The following AIG1 variants were observed in gnomAD, a reference collection of about 807,000 sequenced individuals.
AIG1 encodes the protein androgen-induced gene 1 protein.
In AIG1, 23 loss-of-function variants were observed where a neutral mutation model predicts 31.4. The observed-to-expected ratio is 0.73, with a 90% CI of 0.53 to 1.04. The LOEUF is 1.04. AIG1 is among the 50% of genes least tolerant of loss of function. AIG1 has a pLI of 0.00. For synonymous variants in AIG1, 100 were observed against 110.5 expected (o/e 0.90, Z 0.60); for missense variants, 274 against 295.0 (o/e 0.93, Z 0.52).
At chr6:143,062,531 A>C (rs1334380646) in intron 1 of AIG1, among the ~76,000 whole-genome samples, 1 of 152,202 alleles carries the variant, frequency 6.6e-6, no homozygotes, top group African/African-American at 2.4e-5. Context: ...TTGATTGAAC[A>C]ACAATGTCGG....
At chr6:143,300,735 A>G (rs1196511616) in intron 4 of AIG1, among the ~76,000 whole-genome samples, 1 of 152,198 alleles carries the variant, frequency 6.6e-6, no homozygotes, top group African/African-American at 2.4e-5. Context: ...GCTTGACTTG[A>G]CCAAATAAAT....
intron 4 of AIG1, among the ~76,000 whole-genome samples, chr6:143,324,863 A>C (rs1281454992): frequency 6.6e-6 from 1 of 152,220 alleles, no homozygotes; most frequent in Non-Finnish European, 1.5e-5. Flanking sequence ...CTAGAAGAGT[A>C]AAGGATGATA....
intron 1 of AIG1, among the ~76,000 whole-genome samples, chr6:143,083,030 A>T (rs1778414168): frequency 6.6e-6 from 1 of 152,234 alleles, no homozygotes; most frequent in Non-Finnish European, 1.5e-5. Flanking sequence ...TATGCCAAGG[A>T]ACATTCTTAA....
At chr6:143,147,804 C>T (rs928607997) in intron 2 of AIG1, among the ~76,000 whole-genome samples, 48 of 152,102 alleles carry the variant, frequency 3.2e-4, no homozygotes, top group African/African-American at 1.1e-3. Flanking sequence ...TCACCGTAGC[C>T]CTTCCCAAGG....
chr6:143,117,868 C>T (rs1005521836), intron 1 of AIG1, among the ~76,000 whole-genome samples: 16 of 151,988 alleles, frequency 1.1e-4, no homozygotes, highest in African/African-American at 3.4e-4. Context: ...TCACTGTGGC[C>T]GCCTCCAAAA....
chr6:143,305,193 A>AT (rs1290577995), intron 4 of AIG1, among the ~76,000 whole-genome samples: 6 of 152,044 alleles, frequency 3.9e-5, no homozygotes, highest in Non-Finnish European at 8.8e-5. Flanking sequence ...GGATTCATTA[A>AT]TTTTTTGAAG....
chr6:143,172,139 G>A (rs1787699293), intron 3 of AIG1, among the ~76,000 whole-genome samples: 1 of 152,048 alleles, frequency 6.6e-6, no homozygotes, highest in South Asian at 2.1e-4. Context: ...TGCATTGTCT[G>A]TTTACTCTGT....
chr6:143,137,490 C>G (rs1158845388), intron 2 of AIG1, among the ~76,000 whole-genome samples: 3 of 152,272 alleles, frequency 2.0e-5, no homozygotes, highest in African/African-American at 7.2e-5. Flanking sequence ...TTAAGCAGCC[C>G]AAACTTGAAA....
At chr6:143,089,538 A>T (rs990044738) in intron 1 of AIG1, among the ~76,000 whole-genome samples, 1 of 152,182 alleles carries the variant, frequency 6.6e-6, no homozygotes, top group Non-Finnish European at 1.5e-5. Flanking sequence ...TATTTTTCTT[A>T]GTCCATTTGT....
intron 3 of AIG1, among the ~76,000 whole-genome samples, chr6:143,222,627 C>A (rs1223174601): frequency 6.6e-6 from 1 of 152,146 alleles, no homozygotes; most frequent in Non-Finnish European, 1.5e-5. Flanking sequence ...AAACTCTCTG[C>A]TACCAATTTC....
intron 3 of AIG1, among the ~76,000 whole-genome samples, chr6:143,202,335 T>C (rs1057063566): frequency 6.6e-6 from 1 of 152,308 alleles, no homozygotes; most frequent in East Asian, 1.9e-4. Flanking sequence ...GCTAAAATCC[T>C]CAGGGACAGC....
chr6:143,060,723 G>A (rs1776140738), upstream of AIG1: 29 of 431,370 alleles, frequency 6.7e-5, no homozygotes, highest in South Asian at 4.4e-4. Flanking sequence ...CGCAAACCGC[G>A]CCCGGCCAGT....
At chr6:143,148,985 G>A (rs1299675359) in intron 2 of AIG1, among the ~76,000 whole-genome samples, 1 of 152,116 alleles carries the variant, frequency 6.6e-6, no homozygotes, top group Non-Finnish European at 1.5e-5. Context: ...ATAGAGCCTA[G>A]GTATGCAGTA....
In AIG1 at chr6:143,331,882, A is replaced by ATTG. The variant is rs1290063419; in HGVS notation, c.516-1398_516-1397insGTT. On this transcript the variant is annotated intron_variant, in intron 4 of 5. Transcript: ENST00000357847. The surrounding 1 kb of genome is among the most constrained non-coding windows in gnomAD (Gnocchi z 4.1). ...TATTATTATTATTATTATTATTATTATTATTTTGAGACCAAGTCTCACTTT... is the reference window on the plus strand; with the variant it reads ...TATTATTATTATTATTATTATTATTATTGTTATTTTGAGACCAAGTCTCACTTT... Among the ~76,000 whole-genome samples, 1 of 147,496 alleles carries ATTG rather than the reference A, an allele frequency of 6.8e-6. No homozygotes were observed. The highest frequency in any genetic ancestry group is 2.5e-5 in the African/African-American group (1 of 40,104).
chr6:143,210,983 C>T (rs1477146635), intron 3 of AIG1, among the ~76,000 whole-genome samples: 1 of 152,118 alleles, frequency 6.6e-6, no homozygotes, highest in Non-Finnish European at 1.5e-5. Flanking sequence ...TTTTAGGGGG[C>T]AGACAGATTT....
At chr6:143,285,390 T>C (rs1340373714) in intron 4 of AIG1, among the ~76,000 whole-genome samples, 1 of 150,512 alleles carries the variant, frequency 6.6e-6, no homozygotes, top group Non-Finnish European at 1.5e-5. Context: ...AGCTGGGTGC[T>C]GTGGCTCACG....
At chr6:143,267,481 C>T (rs944991948) in intron 3 of AIG1, among the ~76,000 whole-genome samples, 1 of 152,190 alleles carries the variant, frequency 6.6e-6, no homozygotes, top group East Asian at 1.9e-4. Flanking sequence ...CCCCAGTAAT[C>T]CAGGAACTGG....
chr6:143,122,933 C>A lies in AIG1; in HGVS notation c.142-13902C>A, dbSNP rs115150647. Reference sequence around the variant, plus strand: ...TCATTCTAAGCCCTATGATCTATCTCTAATTATTCATCTCCTGATACCCTC... The same window carrying A: ...TCATTCTAAGCCCTATGATCTATCTATAATTATTCATCTCCTGATACCCTC... On this transcript the variant is annotated intron_variant, in intron 1 of 5. Transcript: ENST00000357847. 9.5e-3 allele frequency among the ~76,000 whole-genome samples: 1,443 copies of A among 152,272 alleles called. 17 individuals are homozygous for A. Among genetic ancestry groups the A allele is most frequent in the African/African-American group, 0.032 (1,318 of 41,560 alleles).
Position 143,338,309 on chromosome 6 carries a change from A to G in AIG1, c.680-1330A>G, listed in dbSNP as rs1763462196. 3.3e-6 allele frequency: 1 copy of G among 303,002 alleles called. No homozygotes were observed. Among genetic ancestry groups the G allele is most frequent in the Non-Finnish European group, 6.0e-6 (1 of 166,048 alleles). 18.8% of individuals were successfully genotyped at this position (303,002 alleles called of 1,614,324 possible). ...CTTCAAACCTGTTCCTCCTCCCGTCAGATGTCCTTACTCCTCAATTTGAAG... is the reference window on the plus strand; with the variant it reads ...CTTCAAACCTGTTCCTCCTCCCGTCGGATGTCCTTACTCCTCAATTTGAAG... On this transcript the variant is annotated intron_variant, in intron 5 of 5. Coordinates refer to ENST00000357847, the MANE Select transcript of AIG1 (RefSeq NM_016108.4). The surrounding 1 kb of genome is among the most constrained non-coding windows in gnomAD (Gnocchi z 4.3).
Sources: allele counts gnomAD v4.1 joint callset (sites outside exome capture counted in the v4.1 genomes callset), GRCh38; gene constraint gnomAD v4.1.1; non-coding constraint Gnocchi (gnomAD v3.1); transcripts MANE v1.5; gene names NCBI Gene and HGNC (gene_info 2026-07-23, HGNC 2026-07-21).